PDGFC: variants seen among roughly 807,000 people sequenced by gnomAD.
The protein encoded by PDGFC is platelet derived growth factor C.
PDGFC carries 12 observed loss-of-function variants against 35.5 expected under a neutral mutation model. That is an observed-to-expected ratio of 0.34 (90% CI 0.22 to 0.55). The LOEUF (loss-of-function observed/expected upper bound fraction) is 0.55. Among genes scored for constraint, PDGFC ranks in the 20% least tolerant of loss-of-function variants. PDGFC has a pLI of 0.91. For synonymous variants in PDGFC, 159 were observed against 148.8 expected (o/e 1.07, Z -0.50); for missense variants, 322 against 412.4 (o/e 0.78, Z 1.90).
chr4:156,935,759 CA>C (rs1161429998), intron 1 of PDGFC, among the ~76,000 whole-genome samples: 1 of 152,178 alleles, frequency 6.6e-6, no homozygotes, highest in African/African-American at 2.4e-5. Context: ...ATAGCAGCAA[CA>C]GTTCATTATT....
intron 3 of PDGFC, among the ~76,000 whole-genome samples, chr4:156,789,849 T>C (rs1189942968): frequency 1.3e-5 from 2 of 151,528 alleles, no homozygotes; most frequent in South Asian, 2.1e-4. Flanking sequence ...TGGTGACGGG[T>C]GCCTGTAGTT....
At chr4:156,864,815 A>G (rs1315992104) in intron 1 of PDGFC, among the ~76,000 whole-genome samples, 3 of 152,176 alleles carry the variant, frequency 2.0e-5, no homozygotes, top group Non-Finnish European at 4.4e-5. Context: ...CTGTTCCTTT[A>G]TAATTGCTCC....
At chr4:156,814,214 G>A (rs1259996001) in intron 2 of PDGFC, among the ~76,000 whole-genome samples, 4 of 152,214 alleles carry the variant, frequency 2.6e-5, no homozygotes, top group South Asian at 2.1e-4. Flanking sequence ...AGGCAGAGCC[G>A]CTGGAGGCTT....
chr4:156,877,519 C>T (rs1213087381), intron 1 of PDGFC, among the ~76,000 whole-genome samples: 2 of 152,020 alleles, frequency 1.3e-5, no homozygotes, highest in Non-Finnish European at 2.9e-5. Context: ...TTACCGACTC[C>T]ATTCCAAATC....
chr4:156,875,672 C>T (rs1300545854), intron 1 of PDGFC, among the ~76,000 whole-genome samples: 2 of 152,152 alleles, frequency 1.3e-5, no homozygotes, highest in Non-Finnish European at 2.9e-5. Context: ...AATCCCAGCA[C>T]TTTGGGAGGC....
chr4:156,846,562 C>T (rs901890611), intron 2 of PDGFC, among the ~76,000 whole-genome samples: 1 of 151,416 alleles, frequency 6.6e-6, no homozygotes, highest in Non-Finnish European at 1.5e-5. Flanking sequence ...TAACCAAATG[C>T]AATTATAATG....
intron 5 of PDGFC, among the ~76,000 whole-genome samples, chr4:156,765,877 T>C (rs1333251317): frequency 6.6e-6 from 1 of 152,096 alleles, no homozygotes; most frequent in Non-Finnish European, 1.5e-5. Context: ...ATTAATGGCA[T>C]GAAAATTGCC....
At chr4:156,885,156 TACACACACAC>T (rs36049782) in intron 1 of PDGFC, among the ~76,000 whole-genome samples, 1 of 126,982 alleles carries the variant, frequency 7.9e-6, no homozygotes, top group African/African-American at 3.0e-5. Context: ...TGTGCATACA[TACACACACAC>T]ACACACACAC....
At chr4:156,819,585 C>A (rs1560825129) in intron 2 of PDGFC, among the ~76,000 whole-genome samples, 1 of 152,146 alleles carries the variant, frequency 6.6e-6, no homozygotes, top group Non-Finnish European at 1.5e-5. Flanking sequence ...AAAAAAGATT[C>A]TTTCAAAATA....
chr4:156,824,532 A>G (rs966794067), intron 2 of PDGFC, among the ~76,000 whole-genome samples: 2 of 151,974 alleles, frequency 1.3e-5, no homozygotes, highest in Admixed American at 1.3e-4. Context: ...TGCATTTTGT[A>G]ACCCATAGGA....
rs540357123 is a variant in PDGFC at position 156,929,888 on chromosome 4, G to T, written c.118+40898C>A. Among the ~76,000 whole-genome samples the T allele has an allele frequency of 2.6e-5, 4 of 152,278 alleles. No homozygotes were observed. The South Asian group carries it at 8.3e-4, about 32-fold the overall frequency. On this transcript the variant is annotated intron_variant, in intron 1 of 5. Transcript: ENST00000502773. ...GACAGGCCAGAACTTGTAGTGTCCT[G>T]AGAAGTGTGCAGCCCTGCTCAAAGG...
rs532449297 is a variant in PDGFC, at chr4:156,798,837, C to A, written c.495+12000G>T. Among the ~76,000 whole-genome samples, 4 of 152,216 alleles carry A rather than the reference C, an allele frequency of 2.6e-5. No homozygotes were observed. The South Asian group carries it at 8.3e-4, about 32-fold the overall frequency. ...TTAACTTGTACCCAGCAGAAAAGTG[C>A]CCTTTTAAAATTCAACTCTATCAGA... On this transcript the variant is annotated intron_variant, in intron 3 of 5. Transcript: ENST00000502773.
intron 1 of PDGFC, among the ~76,000 whole-genome samples, chr4:156,882,495 C>A (rs1730267074): frequency 6.6e-6 from 1 of 152,040 alleles, no homozygotes; most frequent in Admixed American, 6.6e-5. Context: ...AGAAAGATTT[C>A]AAAAACATAT....
At chr4:156,894,793 A>G (rs1314789553) in intron 1 of PDGFC, among the ~76,000 whole-genome samples, 3 of 152,154 alleles carry the variant, frequency 2.0e-5, no homozygotes, top group Non-Finnish European at 2.9e-5. Context: ...AAAACCAAAA[A>G]AAAGGCTCAG....
Position 156,895,051 on chromosome 4 carries a change from A to G in PDGFC, c.119-44635T>C, listed in dbSNP as rs149083965. On this transcript the variant is annotated intron_variant, in intron 1 of 5. Transcript: ENST00000502773. ...TAGAAATTATTTGAGTTCAGATAAC[A>G]TATCACACTTCTCCTGTTCCTCTCA... 5.2e-3 allele frequency among the ~76,000 whole-genome samples: 795 copies of G among 152,300 alleles called. 12 individuals carry two copies. Among genetic ancestry groups the G allele is most frequent in the African/African-American group, 0.017 (713 of 41,554 alleles).
chr4:156,815,140 C>T lies in PDGFC; in HGVS notation c.315-4123G>A, dbSNP rs556358476. ...CTGTGTTGTCTATAAAACAGTAGAA[C>T]TTAGCATATGCTACTAATAGTTTCA... On this transcript the variant is annotated intron_variant, in intron 2 of 5. Coordinates refer to ENST00000502773, the MANE Select transcript of PDGFC (RefSeq NM_016205.3). Among the ~76,000 whole-genome samples, 3 of 152,152 alleles carry T rather than the reference C, an allele frequency of 2.0e-5. No homozygotes were observed. The East Asian group carries it at 5.8e-4, about 29-fold the overall frequency.
intron 1 of PDGFC, among the ~76,000 whole-genome samples, chr4:156,880,491 G>T (rs1399289034): frequency 2.0e-5 from 3 of 152,088 alleles, no homozygotes; most frequent in Admixed American, 1.3e-4. Context: ...AACGCACCTG[G>T]TCACCCAAAA....
At chr4:156,886,668 G>A (rs1363103653) in intron 1 of PDGFC, 1 of 152,146 alleles carries the variant, frequency 6.6e-6, no homozygotes, top group South Asian at 2.1e-4. Context: ...GCTAGTGACT[G>A]TTCTAAACAG....
In PDGFC at chr4:156,949,176, T is replaced by C. The variant is rs116658619; in HGVS notation, c.118+21610A>G. 2.2e-3 allele frequency among the ~76,000 whole-genome samples: 332 copies of C among 152,046 alleles called. 2 individuals carry two copies. The highest frequency in any genetic ancestry group is 7.7e-3 in the African/African-American group (320 of 41,532). On this transcript the variant is annotated intron_variant, in intron 1 of 5. Transcript: ENST00000502773. ...ACCAACGGTCTCCTACTATTAAGAA[T>C]TCTTTGAAAGATTCATGATTATTCT...
Sources: gnomAD v4.1 joint callset for allele counts (sites outside exome capture counted in the v4.1 genomes callset) on GRCh38, gnomAD v4.1.1 for gene constraint, MANE v1.5 for transcripts, NCBI Gene and HGNC (gene_info 2026-07-23, HGNC 2026-07-21) for gene names.